The following DNAAF4 variants were observed in gnomAD, a reference collection of about 807,000 sequenced individuals.
The protein encoded by DNAAF4 is dynein axonemal assembly factor 4, also known as dynein assembly factor 4, axonemal.
A neutral mutation model predicts 51.8 loss-of-function variants in DNAAF4; 43 were observed. The ratio of observed to expected loss-of-function variants is 0.83; its 90% CI spans 0.65 to 1.07. The LOEUF is 1.07. Among genes scored for constraint, DNAAF4 ranks in the 50% least tolerant of loss-of-function variants. DNAAF4 has a pLI of 0.00. For synonymous variants in DNAAF4, 194 were observed against 165.6 expected, an observed-to-expected ratio of 1.17 and a Z score of -1.32; for missense variants, 581 against 493.0, an observed-to-expected ratio of 1.18 and a Z score of -1.69.
chr15:55,464,035 T>C (rs1293550235), intron 5 of DNAAF4, among the ~76,000 whole-genome samples: 1 of 152,124 alleles, frequency 6.6e-6, no homozygotes, highest in African/African-American at 2.4e-5. Context: ...TCTGAGGGGA[T>C]CATATTACCT....
At chr15:55,443,021 T>C (rs2141433017) in intron 6 of DNAAF4, 2 of 1,611,460 alleles carry the variant, frequency 1.2e-6, no homozygotes, top group Non-Finnish European at 1.7e-6. Context: ...AAGCTTCTGG[T>C]GAAGAGCTGG....
chr15:55,483,833 C>CA (rs1567028675), intron 4 of DNAAF4, among the ~76,000 whole-genome samples: 1 of 82,504 alleles, frequency 1.2e-5, no homozygotes. Context: ...GCCAATAAAG[C>CA]TTTTTTTTTT....
intron 8 of DNAAF4, among the ~76,000 whole-genome samples, chr15:55,433,495 G>A (rs961325280): frequency 6.6e-6 from 1 of 151,264 alleles, no homozygotes; most frequent in East Asian, 2.0e-4. Context: ...GTATGATGGC[G>A]GGCGCCTTCA....
chr15:55,474,909 G>A (rs2058315550), intron 4 of DNAAF4, among the ~76,000 whole-genome samples: 1 of 151,124 alleles, frequency 6.6e-6, no homozygotes, highest in South Asian at 2.1e-4. Context: ...AACCTGGGAA[G>A]TGGAGGTTGC....
intron 3 of DNAAF4, among the ~76,000 whole-genome samples, chr15:55,494,239 G>A (rs2058610866): frequency 6.6e-6 from 1 of 151,964 alleles, no homozygotes; most frequent in South Asian, 2.1e-4. Flanking sequence ...ATGTTGGTTA[G>A]GCTGGTCTCG....
chr15:55,505,605 C>G (rs571463631), intron 1 of DNAAF4, among the ~76,000 whole-genome samples: 2 of 152,228 alleles, frequency 1.3e-5, no homozygotes, highest in East Asian at 3.9e-4. Context: ...GAGGAGTTCA[C>G]GTCCTTTGCA....
chr15:55,471,874 G>C (rs924014319), intron 4 of DNAAF4, among the ~76,000 whole-genome samples: 11 of 143,534 alleles, frequency 7.7e-5, no homozygotes, highest in African/African-American at 2.9e-4. Flanking sequence ...GAGTCTTGCT[G>C]TGTCACCCAG....
intron 6 of DNAAF4, among the ~76,000 whole-genome samples, chr15:55,445,021 A>T (rs1342104880): frequency 6.2e-5 from 9 of 145,044 alleles, no homozygotes; most frequent in Non-Finnish European, 1.3e-4. Context: ...CTCTTTTCCT[A>T]ATTGAATACC....
In DNAAF4 at chr15:55,498,570, G is replaced by T; in HGVS notation, c.-241C>A. On this transcript the variant is annotated 5_prime_UTR_variant, in exon 2 of 10. Coordinates refer to ENST00000321149, the MANE Select transcript of DNAAF4 (RefSeq NM_130810.4). ...ACGATCTGAGCGAATGTTCAAAGAA[G>T]TAGACCCATACCCTCTGCTTGAGAA... is the stretch of plus-strand genomic sequence containing the variant. The T allele has an allele frequency of 4.1e-6, 1 of 244,136 alleles. No homozygotes were observed. The highest frequency in any genetic ancestry group is 7.4e-6 in the Non-Finnish European group (1 of 134,426). The allele number at this position is 244,136 out of a possible 1,614,324, so 15.1% of individuals were successfully genotyped here. A position where few individuals can be genotyped will look rare whatever the true frequency, so the allele number is the denominator to read the frequency against.
chr15:55,451,208 A>G (rs1401614572), intron 5 of DNAAF4, among the ~76,000 whole-genome samples: 1 of 152,234 alleles, frequency 6.6e-6, no homozygotes, highest in African/African-American at 2.4e-5. Context: ...AAATAATGTG[A>G]TAACAGAGGT....
chr15:55,504,285 T>G (rs959000677), intron 1 of DNAAF4, among the ~76,000 whole-genome samples: 1 of 152,146 alleles, frequency 6.6e-6, no homozygotes, highest in African/African-American at 2.4e-5. Flanking sequence ...CACAAACAAA[T>G]GGAAGACCAT....
chr15:55,505,720 AAC>A (rs2058723842), intron 1 of DNAAF4, among the ~76,000 whole-genome samples: 1 of 151,986 alleles, frequency 6.6e-6, no homozygotes, highest in African/African-American at 2.4e-5. Flanking sequence ...GAAAAATGAG[AAC>A]ACATGGACAC....
chr15:55,496,838 C>G (rs1268693353), intron 3 of DNAAF4, among the ~76,000 whole-genome samples: 2 of 151,938 alleles, frequency 1.3e-5, no homozygotes, highest in Non-Finnish European at 2.9e-5. Context: ...GTTAAAGGCA[C>G]TTGAAAGCAG....
chr15:55,491,673 A>G (rs1441014314), intron 3 of DNAAF4, among the ~76,000 whole-genome samples: 1 of 138,644 alleles, frequency 7.2e-6, no homozygotes, highest in Non-Finnish European at 1.5e-5. Context: ...TATATTATAG[A>G]TAATATTATA....
intron 4 of DNAAF4, among the ~76,000 whole-genome samples, chr15:55,471,278 C>A (rs1196479642): frequency 6.6e-6 from 1 of 152,114 alleles, no homozygotes; most frequent in Non-Finnish European, 1.5e-5. Flanking sequence ...CCCAAGAGCC[C>A]ATCAAGAGTT....
At chr15:55,441,380 T>C (rs1175189354) in intron 6 of DNAAF4, among the ~76,000 whole-genome samples, 1 of 152,232 alleles carries the variant, frequency 6.6e-6, no homozygotes, top group Non-Finnish European at 1.5e-5. Flanking sequence ...CATGTGATTA[T>C]TATTTTATCT....
intron 4 of DNAAF4, among the ~76,000 whole-genome samples, chr15:55,481,968 G>A (rs1028314566): frequency 6.6e-6 from 1 of 152,146 alleles, no homozygotes; most frequent in African/African-American, 2.4e-5. Flanking sequence ...GCCTCTAAAC[G>A]GTACCCAGGA....
chr15:55,466,966 T>TA lies in DNAAF4; in HGVS notation c.600dup (p.Thr201TyrfsTer2). The TA allele has an allele frequency of 1.9e-6, 3 of 1,583,934 alleles. No homozygotes were observed. The highest frequency in any genetic ancestry group is 2.6e-6 in the Non-Finnish European group (3 of 1,171,822). On this transcript the variant is annotated frameshift_variant, in exon 5 of 10. Coordinates refer to ENST00000321149, the MANE Select transcript of DNAAF4 (RefSeq NM_130810.4). LOFTEE classifies it high-confidence loss of function. ...AGATTTCTAGATGCCAAATTTCTAG[T>TA]AAGACTCTTATATTTTATTTTTTTT...
At chr15:55,474,714 C>T (rs1201132983) in intron 4 of DNAAF4, among the ~76,000 whole-genome samples, 1 of 152,164 alleles carries the variant, frequency 6.6e-6, no homozygotes, top group African/African-American at 2.4e-5. Context: ...GGCGGTGGCT[C>T]ATGCCTGTAA....
Sources: gnomAD v4.1 joint callset for allele counts (sites outside exome capture counted in the v4.1 genomes callset) on GRCh38, gnomAD v4.1.1 for gene constraint, MANE v1.5 for transcripts, NCBI Gene and HGNC (gene_info 2026-07-23, HGNC 2026-07-21) for gene names.